PPP1R16A: variants seen among roughly 807,000 people sequenced by gnomAD.
PPP1R16A encodes the protein protein phosphatase 1 regulatory subunit 16A.
In PPP1R16A, 39 loss-of-function variants were observed where a neutral mutation model predicts 46.6. The observed-to-expected ratio is 0.84, with a 90% confidence interval of 0.65 to 1.09. The LOEUF is 1.09. Ranked by LOEUF, PPP1R16A falls within the 50% of genes least tolerant of loss-of-function variation. The probability of loss-of-function intolerance (pLI) is 0.00; values close to 1 mark genes in which losing one functional copy is unlikely to be tolerated. For missense variants in PPP1R16A, 798 were observed against 735.6 expected (o/e 1.08, Z -0.98); for synonymous variants, 413 against 321.5 (o/e 1.28, Z -3.04).
At chr8:144,481,916 T>C (rs1312212126) in intron 1 of PPP1R16A, among the ~76,000 whole-genome samples, 1 of 152,116 alleles carries the variant, frequency 6.6e-6, no homozygotes, top group East Asian at 2.0e-4. Flanking sequence ...TAGCTGGGAC[T>C]ACAGGCGCCT....
intron 1 of PPP1R16A, among the ~76,000 whole-genome samples, chr8:144,481,457 C>A (rs1825421884): frequency 6.6e-6 from 1 of 151,700 alleles, no homozygotes; most frequent in South Asian, 2.1e-4. Flanking sequence ...AGCCTGACCA[C>A]CATGGAGAAA....
At position 144,497,736 on chromosome 8, in the gene PPP1R16A, G is replaced by A. The variant is rs945068919; in HGVS notation, c.259+283G>A. 1.2e-5 allele frequency: 7 copies of A among 562,138 alleles called. No individual in the cohort carries two copies. The African/African-American group carries it at 1.3e-4, about 11-fold the overall frequency. 34.8% of individuals were successfully genotyped at this position (562,138 alleles called of 1,614,324 possible). ...GTGAGGTGAGCTGAGGCCATGAGTGGACCCCCAGGAGCCTGCAGAAAAACC... is the reference window on the plus strand; with the variant it reads ...GTGAGGTGAGCTGAGGCCATGAGTGAACCCCCAGGAGCCTGCAGAAAAACC... On this transcript the variant is annotated intron_variant, in intron 3 of 11. Coordinates refer to ENST00000435887, the MANE Select transcript of PPP1R16A (RefSeq NM_001329443.2).
chr8:144,486,627 C>T (rs1038243916), intron 1 of PPP1R16A, among the ~76,000 whole-genome samples: 13 of 152,216 alleles, frequency 8.5e-5, no homozygotes, highest in African/African-American at 2.2e-4. Context: ...CATCTTGTCA[C>T]GGACGCATTT....
At position 144,500,164 on chromosome 8, in the gene PPP1R16A, C is replaced by T. The variant is rs755615076; in HGVS notation, c.545C>T (p.Thr182Met). ...TATGACCTGTGTGATGATGAGCAGA[C>T]GCTGGACTGCCTGGAGACTGCCATG... Reference protein sequence around the residue: ...MPYDLCDDEQTLDCLETAMAD... With the variant: ...MPYDLCDDEQMLDCLETAMAD... The change falls in exon 6 of 12, where the codon ACG (threonine) becomes ATG (methionine). Residue 182 changes from threonine (T) to methionine (M), a missense_variant. Coordinates refer to ENST00000435887, the MANE Select transcript of PPP1R16A (RefSeq NM_001329443.2). The T allele has an allele frequency of 3.1e-6, 5 of 1,611,802 alleles. No individual in the cohort carries two copies. The highest frequency in any genetic ancestry group is 4.5e-5 in the East Asian group (2 of 44,790).
chr8:144,500,516 C>A lies in PPP1R16A; in HGVS notation c.735C>A (p.Ser245Arg). Reference sequence around the variant, plus strand: ...ACGTCGCAGCCGCCAACGGGTTCAGCGAGGCGGCTGCCCTGCTGCTGGAAC... The same window carrying A: ...ACGTCGCAGCCGCCAACGGGTTCAGAGAGGCGGCTGCCCTGCTGCTGGAAC... ...LLHVAAANGF[S>R]EAAALLLEHR... is the part of the protein sequence containing the mutation. The change falls in exon 8 of 12, where the codon AGC (serine) becomes AGA (arginine). Residue 245 changes from serine to arginine, a missense_variant. By Grantham distance (110) the Ser-to-Arg change is moderately radical. Transcript: ENST00000435887. The A allele has an allele frequency of 1.3e-6, 2 of 1,590,222 alleles. No homozygotes were observed. The highest frequency in any genetic ancestry group is 2.7e-5 in the African/African-American group (2 of 74,904).
chr8:144,492,086 C>T (rs537661173), intron 2 of PPP1R16A, among the ~76,000 whole-genome samples: 1 of 152,278 alleles, frequency 6.6e-6, no homozygotes, highest in African/African-American at 2.4e-5. Context: ...GGCTGGCCCC[C>T]AGAACCAGCC....
chr8:144,501,215 CGCCGCCCACCAGCCCGGA>C lies in PPP1R16A; in HGVS notation c.1132_1149del (p.Thr378_Pro383del). On this transcript the variant is annotated inframe_deletion, in exon 11 of 12. Coordinates refer to ENST00000435887, the MANE Select transcript of PPP1R16A (RefSeq NM_001329443.2). ...CAGGAGGCCATCGTGTGGCAACAGC[CGCCGCCCACCAGCCCGGA>C]GCCGCCCGAGGACAACGATGACCGC... 6.2e-7 allele frequency: 1 copy of C among 1,608,332 alleles called. No homozygotes were observed. The highest frequency in any genetic ancestry group is 1.1e-5 in the South Asian group (1 of 90,980).
At chr8:144,489,647 A>G (rs1825737919) in intron 1 of PPP1R16A, among the ~76,000 whole-genome samples, 1 of 152,024 alleles carries the variant, frequency 6.6e-6, no homozygotes, top group African/African-American at 2.4e-5. Flanking sequence ...GTACACCCCG[A>G]TGCCTTCTGT....
rs759620303 is a variant in PPP1R16A at position 144,500,192 on chromosome 8, C to T, written c.573C>T (p.Ala191=). ...TGGACTGCCTGGAGACTGCCATGGC[C>T]GACCGTGGTAGGTGCGGCGGTGCGG... is the stretch of plus-strand genomic sequence containing the variant. ...QTLDCLETAM[A]DRGITQDSIE... Residue 191 remains alanine (A), a synonymous_variant, in exon 6 of 12, where the codon GCC becomes GCT. Transcript: ENST00000435887. 1 of 1,608,312 alleles carries T rather than the reference C, an allele frequency of 6.2e-7. No individual in the cohort carries two copies. Among genetic ancestry groups the T allele is most frequent in the Non-Finnish European group, 8.5e-7 (1 of 1,177,688 alleles).
chr8:144,489,854 G>A (rs1163134794), intron 1 of PPP1R16A, among the ~76,000 whole-genome samples, 180 bp from the exon 2 acceptor site: 1 of 152,184 alleles, frequency 6.6e-6, no homozygotes, highest in Non-Finnish European at 1.5e-5. Context: ...CACATTTCAG[G>A]AGGTCTCTAG....
intron 1 of PPP1R16A, among the ~76,000 whole-genome samples, chr8:144,489,030 C>T (rs1825708107): frequency 6.6e-6 from 1 of 151,068 alleles, no homozygotes; most frequent in African/African-American, 2.4e-5. Flanking sequence ...ATGGTGAAAC[C>T]CGCTCTCTAC....
Position 144,497,371 on chromosome 8 carries a change from C to A in PPP1R16A, c.177C>A (p.Ala59=). The A allele has an allele frequency of 6.2e-7, 1 of 1,613,002 alleles. No homozygotes were observed. Among genetic ancestry groups the A allele is most frequent in the Non-Finnish European group, 8.5e-7 (1 of 1,180,012 alleles). Residue 59 remains alanine (A), a synonymous_variant, in exon 3 of 12, where the codon GCC becomes GCA. Transcript: ENST00000435887. ...GPGERPRKEA[A]SQGLLKQVLF... ...GGGAGCGTCCCCGGAAGGAGGCAGC[C>A]AGCCAAGGGCTCCTGAAGCAGGTCC...
intron 1 of PPP1R16A, among the ~76,000 whole-genome samples, chr8:144,483,548 T>C (rs1206267414): frequency 6.6e-6 from 1 of 152,108 alleles, no homozygotes; most frequent in East Asian, 1.9e-4. Context: ...TAGCTGAGAC[T>C]ACAGGTGCAT....
At chr8:144,490,980 C>T (rs1825790658) in intron 2 of PPP1R16A, among the ~76,000 whole-genome samples, 1 of 151,572 alleles carries the variant, frequency 6.6e-6, no homozygotes, top group African/African-American at 2.4e-5. Flanking sequence ...GATCGCTGGA[C>T]CCCAGGAAGT....
At chr8:144,480,031 G>A (rs1825340414) in intron 1 of PPP1R16A, among the ~76,000 whole-genome samples, 1 of 152,212 alleles carries the variant, frequency 6.6e-6, no homozygotes, top group African/African-American at 2.4e-5. Flanking sequence ...ACAGTAACTG[G>A]CATGTCAAGA....
Position 144,499,041 on chromosome 8 carries a change from G to C in PPP1R16A, c.456G>C (p.Leu152=). 1 of 1,584,744 alleles carries C rather than the reference G, an allele frequency of 6.3e-7. No individual in the cohort carries two copies. Among genetic ancestry groups the C allele is most frequent in the South Asian group, 1.1e-5 (1 of 90,416 alleles). The change falls in exon 5 of 12, where the codon CTG becomes CTC. Residue 152 remains leucine (L), a synonymous_variant. Coordinates refer to ENST00000435887, the MANE Select transcript of PPP1R16A (RefSeq NM_001329443.2). ...CGGCCACCTGCGGCCACCTGCACCT[G>C]GTGGAGCTGCTCATCGCCAGGTAGG... ...HAAATCGHLH[L]VELLIASGAN...
Position 144,501,863 on chromosome 8 carries a change from A to G in PPP1R16A, c.1547A>G (p.Glu516Gly). Reference protein sequence around the residue: ...PLLKLTAPAVEAPVERRPCCL... With the variant: ...PLLKLTAPAVGAPVERRPCCL... ...CTCAAGCTCACAGCCCCGGCGGTGG[A>G]GGCTCCCGTGGAGAGGAGGCCGTGC... Residue 516 changes from glutamate (E) to glycine (G), a missense_variant, in exon 12 of 12, where the codon GAG (glutamate) becomes GGG (glycine). Transcript: ENST00000435887. 1 of 1,544,670 alleles carries G rather than the reference A, an allele frequency of 6.5e-7. No individual in the cohort carries two copies. The highest frequency in any genetic ancestry group is 2.4e-5 in the East Asian group (1 of 41,068).
chr8:144,488,606 G>C (rs893919973), intron 1 of PPP1R16A, among the ~76,000 whole-genome samples: 1 of 152,142 alleles, frequency 6.6e-6, no homozygotes, highest in African/African-American at 2.4e-5. Flanking sequence ...TAGAGAAGAG[G>C]TCAAGGCTCA....
At chr8:144,490,941 C>T (rs1318720046) in intron 2 of PPP1R16A, among the ~76,000 whole-genome samples, 2 of 150,828 alleles carry the variant, frequency 1.3e-5, no homozygotes, top group Admixed American at 6.6e-5. Flanking sequence ...CGTGCACCTC[C>T]CCAGCTACTG....
Sources: allele counts gnomAD v4.1 joint callset (sites outside exome capture counted in the v4.1 genomes callset), GRCh38; gene constraint gnomAD v4.1.1; transcripts MANE v1.5; gene names NCBI Gene and HGNC (gene_info 2026-07-23, HGNC 2026-07-21).